ZNF787: variants seen among roughly 807,000 people sequenced by gnomAD.
ZNF787 encodes TTF-I-interacting peptide 20.
A neutral mutation model predicts 16.9 loss-of-function variants in ZNF787; 7 were observed. The observed-to-expected ratio is 0.42, with a 90% confidence interval of 0.24 to 0.78. The LOEUF (loss-of-function observed/expected upper bound fraction) is 0.78, where lower values mean the gene tolerates loss of function less well. Among genes scored for constraint, ZNF787 ranks in the 30% least tolerant of loss-of-function variants. The probability of loss-of-function intolerance (pLI) is 0.30; values close to 1 mark genes in which losing one functional copy is unlikely to be tolerated. For synonymous variants in ZNF787, 345 were observed against 270.9 expected (o/e 1.27, Z -2.69); for missense variants, 551 against 589.3 (o/e 0.94, Z 0.67).
chr19:56,116,941 C>A (rs1467686871), intron 1 of ZNF787, among the ~76,000 whole-genome samples: 1 of 152,174 alleles, frequency 6.6e-6, no homozygotes, highest in Non-Finnish European at 1.5e-5. Flanking sequence ...TGCAGGGTGC[C>A]CTAAGCACAT....
At chr19:56,099,191 C>A (rs1267724929) in intron 2 of ZNF787, among the ~76,000 whole-genome samples, 1 of 152,206 alleles carries the variant, frequency 6.6e-6, no homozygotes, top group African/African-American at 2.4e-5. Context: ...TCGAGCCACA[C>A]TGCCACATCC....
intron 1 of ZNF787, among the ~76,000 whole-genome samples, chr19:56,109,363 G>A (rs1237001836): frequency 6.6e-6 from 1 of 152,000 alleles, no homozygotes; most frequent in Non-Finnish European, 1.5e-5. Flanking sequence ...CTTTCTTCCT[G>A]CAAGCAGATG....
At chr19:56,096,267 A>AAG (rs1985869929) in intron 2 of ZNF787, among the ~76,000 whole-genome samples, 1 of 148,230 alleles carries the variant, frequency 6.7e-6, no homozygotes, top group African/African-American at 2.5e-5. Flanking sequence ...AAAAATAAAA[A>AAG]AACTAGCTGG....
intron 2 of ZNF787, among the ~76,000 whole-genome samples, chr19:56,100,092 G>A (rs1375796355): frequency 1.3e-5 from 2 of 152,146 alleles, no homozygotes; most frequent in Non-Finnish European, 2.9e-5. Flanking sequence ...CAGAGCAGGT[G>A]CCGGGACACA....
intron 2 of ZNF787, among the ~76,000 whole-genome samples, chr19:56,096,029 C>T (rs1337771132): frequency 6.6e-6 from 1 of 152,010 alleles, no homozygotes; most frequent in Non-Finnish European, 1.5e-5. Flanking sequence ...ACCTGGTTGC[C>T]GTGTTTTTAT....
rs956703174 is a variant in ZNF787 at position 56,087,959 on chromosome 19, T to C, written c.*64A>G. On this transcript the variant is annotated 3_prime_UTR_variant, in exon 3 of 3. Coordinates refer to ENST00000610935, the MANE Select transcript of ZNF787 (RefSeq NM_001002836.4). Reference sequence around the variant, plus strand: ...CCGCTTCTCCCTGGGTCTCTTGGTCTTGCACGTCGTCGCTCCCGCCAAGCC... The same window carrying C: ...CCGCTTCTCCCTGGGTCTCTTGGTCCTGCACGTCGTCGCTCCCGCCAAGCC... The C allele has an allele frequency of 6.9e-6, 9 of 1,297,548 alleles. No individual in the cohort carries two copies. Among genetic ancestry groups the C allele is most frequent in the Non-Finnish European group, 8.8e-6 (9 of 1,025,188 alleles). The allele number at this position is 1,297,548 out of a possible 1,614,324, so 80.4% of individuals were successfully genotyped here.
intron 2 of ZNF787, among the ~76,000 whole-genome samples, chr19:56,101,410 G>A (rs561632888): frequency 1.3e-5 from 2 of 152,266 alleles, no homozygotes; most frequent in Non-Finnish European, 2.9e-5. Flanking sequence ...GACTCCCACA[G>A]ACGCAGGGCC....
In ZNF787 at chr19:56,088,031, CCTCCCCACCGCGGCA is replaced by C; in HGVS notation, c.1126_1140del (p.Cys376_Glu380del). The C allele has an allele frequency of 7.9e-7, 1 of 1,264,224 alleles. No homozygotes were observed. Among genetic ancestry groups the C allele is most frequent in the Non-Finnish European group, 1.0e-6 (1 of 1,001,714 alleles). The allele number at this position is 1,264,224 out of a possible 1,614,324, so 78.3% of individuals were successfully genotyped here. A position where few individuals can be genotyped will look rare whatever the true frequency, so the allele number is the denominator to read the frequency against. ...CCCCCCGGGCCCCTCCCCTACCGGC[CCTCCCCACCGCGGCA>C]CTCGGGGCACCGCCCGCCCGCGGCC... On this transcript the variant is annotated inframe_deletion, in exon 3 of 3. Transcript: ENST00000610935. The surrounding 1 kb of genome is among the most constrained non-coding windows in gnomAD (Gnocchi z 8.6).
At chr19:56,098,737 A>C (rs79529092) in intron 2 of ZNF787, among the ~76,000 whole-genome samples, 4 of 83,850 alleles carry the variant, frequency 4.8e-5, no homozygotes, top group African/African-American at 1.9e-4. Context: ...TGATGCCGCC[A>C]GGGTGATACG....
chr19:56,090,175 C>T (rs527239489), intron 2 of ZNF787, among the ~76,000 whole-genome samples: 1 of 152,352 alleles, frequency 6.6e-6, no homozygotes, highest in Middle Eastern at 3.4e-3. Flanking sequence ...AGCCCAAACA[C>T]CCTCCCAGAT....
At position 56,087,759 on chromosome 19, in the gene ZNF787, T is replaced by G; in HGVS notation, c.*264A>C. The G allele has an allele frequency of 1.4e-5, 5 of 360,508 alleles. No individual in the cohort carries two copies. The highest frequency in any genetic ancestry group is 1.5e-4 in the East Asian group (2 of 13,170). 22.3% of individuals were successfully genotyped at this position (360,508 alleles called of 1,614,324 possible). A position where few individuals can be genotyped will look rare whatever the true frequency, so the allele number is the denominator to read the frequency against. ...CACTCGGCCTCTGCAGTTCTCTCCA[T>G]TGTCTCTCCGGCTCGCAGGCCGATA... On this transcript the variant is annotated 3_prime_UTR_variant, in exon 3 of 3. Transcript: ENST00000610935.
chr19:56,097,056 T>C (rs546082), intron 2 of ZNF787, among the ~76,000 whole-genome samples: 26,554 of 152,046 alleles, frequency 0.17, 3,861 homozygotes, highest in African/African-American at 0.4. Context: ...CCTGAGATCT[T>C]CAGGAGCCCC....
chr19:56,099,719 A>AAAAG, intron 2 of ZNF787, among the ~76,000 whole-genome samples: 1 of 150,908 alleles, frequency 6.6e-6, no homozygotes, highest in Non-Finnish European at 1.5e-5. Context: ...TCAAAAAAAA[A>AAAAG]AAAAAAGAAA....
rs1219087787 is a variant in ZNF787, at chr19:56,120,929, G to C, written c.-11+243C>G. On this transcript the variant is annotated intron_variant, in intron 1 of 2. Coordinates refer to ENST00000610935, the MANE Select transcript of ZNF787 (RefSeq NM_001002836.4). ...GCGCACCCCCCCTCCAGCCCCGCTC[G>C]CCGCCCGCGGGCCGCCCGGGCGCGC... 1.3e-3 allele frequency among the ~76,000 whole-genome samples: 136 copies of C among 105,550 alleles called. 1 individual carries two copies. The highest frequency in any genetic ancestry group is 1.2e-3 in the Non-Finnish European group (61 of 52,164). The allele number at this position is 105,550 out of a possible 152,430, so 69.2% of individuals were successfully genotyped here.
chr19:56,111,577 G>A lies in ZNF787; in HGVS notation c.-10-8350C>T, dbSNP rs569018126. Among the ~76,000 whole-genome samples, 8 of 152,222 alleles carry A rather than the reference G, an allele frequency of 5.3e-5. No homozygotes were observed. The East Asian group carries it at 1.2e-3, about 22-fold the overall frequency. On this transcript the variant is annotated intron_variant, in intron 1 of 2. Transcript: ENST00000610935. ...CACAAATTCCATAGCCAGAGGGGCC[G>A]GGGGCAGCAGAGGAGGGGTAAGGGG...
At chr19:56,108,746 ACCTGT>A (rs1422188541) in intron 1 of ZNF787, among the ~76,000 whole-genome samples, 1 of 152,106 alleles carries the variant, frequency 6.6e-6, no homozygotes, top group Non-Finnish European at 1.5e-5. Context: ...CCCTCGCCGG[ACCTGT>A]CTCAGGAAGA....
intron 1 of ZNF787, among the ~76,000 whole-genome samples, chr19:56,115,842 T>C (rs2030119996): frequency 1.3e-5 from 2 of 152,204 alleles, no homozygotes; most frequent in South Asian, 2.1e-4. Flanking sequence ...CCGCAGGACT[T>C]GGTGCCTGCA....
intron 2 of ZNF787, among the ~76,000 whole-genome samples, chr19:56,097,819 G>A (rs1415268529): frequency 6.6e-6 from 1 of 152,174 alleles, no homozygotes; most frequent in Non-Finnish European, 1.5e-5. Context: ...GCACCCTGCT[G>A]TGCCACGTCT....
At chr19:56,093,113 G>A (rs1406842817) in intron 2 of ZNF787, among the ~76,000 whole-genome samples, 4 of 150,872 alleles carry the variant, frequency 2.7e-5, no homozygotes, top group Admixed American at 1.3e-4. Flanking sequence ...ACAGGGGATG[G>A]CGGAAGTGGG....
Sources: gnomAD v4.1 joint callset for allele counts (sites outside exome capture counted in the v4.1 genomes callset) on GRCh38, gnomAD v4.1.1 for gene constraint, Gnocchi (gnomAD v3.1) non-coding constraint, MANE v1.5 for transcripts, NCBI Gene and HGNC (gene_info 2026-07-23, HGNC 2026-07-21) for gene names.